The following ABCD2 variants were observed in gnomAD, a reference collection of about 807,000 sequenced individuals.
ABCD2 encodes the protein ATP binding cassette subfamily D member 2, also known as ATP-binding cassette sub-family D member 2.
A neutral mutation model predicts 70.9 loss-of-function variants in ABCD2; 36 were observed. The observed-to-expected ratio is 0.51, with a 90% CI of 0.39 to 0.67. The LOEUF (loss-of-function observed/expected upper bound fraction) is 0.67. ABCD2 is among the 30% of genes least tolerant of loss of function. The probability of loss-of-function intolerance (pLI) is 0.00; values close to 1 mark genes in which losing one functional copy is unlikely to be tolerated. For missense variants in ABCD2, 729 were observed against 890.2 expected, an observed-to-expected ratio of 0.82 and a Z score of 2.30; for synonymous variants, 304 against 306.9, an observed-to-expected ratio of 0.99 and a Z score of 0.10.
At chr12:39,580,994 AG>A (rs1941588696) in intron 7 of ABCD2, among the ~76,000 whole-genome samples, 1 of 152,198 alleles carries the variant, frequency 6.6e-6, no homozygotes, top group African/African-American at 2.4e-5. Context: ...GAAATCCAAA[AG>A]TTTAGAGGCT....
chr12:39,584,890 T>C (rs1035459633), intron 7 of ABCD2, among the ~76,000 whole-genome samples: 2 of 152,222 alleles, frequency 1.3e-5, no homozygotes, highest in African/African-American at 4.8e-5. Flanking sequence ...CCTGTTTTTG[T>C]AACAGCACTA....
chr12:39,542,513 A>G, the ABCD2 span, among the ~76,000 whole-genome samples: 9 of 151,990 alleles, frequency 5.9e-5, no homozygotes, highest in African/African-American at 1.9e-4. Flanking sequence ...GGATGTAGAG[A>G]GATTAGTTAG....
chr12:39,589,507 C>T (rs1941714495), intron 6 of ABCD2, among the ~76,000 whole-genome samples: 1 of 151,290 alleles, frequency 6.6e-6, no homozygotes, highest in Non-Finnish European at 1.5e-5. Context: ...CTCTTGTCAG[C>T]CTCCCAAGTA....
chr12:39,586,456 G>A (rs1351517150), intron 6 of ABCD2, among the ~76,000 whole-genome samples, 159 bp from the exon 7 acceptor site: 1 of 152,166 alleles, frequency 6.6e-6, no homozygotes, highest in Non-Finnish European at 1.5e-5. Flanking sequence ...CTCAGGCACT[G>A]CTAAACAATA....
downstream of ABCD2, among the ~76,000 whole-genome samples, chr12:39,546,634 G>A (rs981363630): frequency 6.6e-6 from 1 of 152,088 alleles, no homozygotes; most frequent in Admixed American, 6.6e-5. Context: ...ATAGTGATTG[G>A]TTGAATGAAT....
intron 2 of ABCD2, 30 bp from the exon 3 acceptor site, chr12:39,607,744 A>ATTTT: frequency 4.3e-5 from 34 of 789,022 alleles, no homozygotes; most frequent in Non-Finnish European, 5.5e-5. Flanking sequence ...ACAAAACTTG[A>ATTTT]GTTTTTTTTT....
intron 9 of ABCD2, among the ~76,000 whole-genome samples, chr12:39,565,755 G>A (rs1279901085): frequency 1.3e-5 from 2 of 152,268 alleles, no homozygotes; most frequent in Non-Finnish European, 2.9e-5. Flanking sequence ...GTATGATATT[G>A]GCTGTGGGTT....
intron 1 of ABCD2, 104 bp from the exon 2 acceptor site, chr12:39,617,272 C>A (rs1009770971): frequency 4.7e-6 from 3 of 635,036 alleles, no homozygotes; most frequent in Non-Finnish European, 7.1e-6. Flanking sequence ...CCAATAAATG[C>A]AGATTAATAC....
intron 6 of ABCD2, among the ~76,000 whole-genome samples, chr12:39,597,389 A>G (rs1339210098): frequency 6.6e-6 from 1 of 152,198 alleles, no homozygotes; most frequent in Admixed American, 6.5e-5. Flanking sequence ...ATGGATGAAG[A>G]CAGAAACTTA....
At chr12:39,535,091 A>T in the ABCD2 span, among the ~76,000 whole-genome samples, 1 of 151,876 alleles carries the variant, frequency 6.6e-6, no homozygotes, top group Non-Finnish European at 1.5e-5. Flanking sequence ...CTCTAAATGG[A>T]TTTTCTTTTC....
At position 39,551,584 on chromosome 12, in the gene ABCD2, T is replaced by A. The variant is rs1212023670; in HGVS notation, c.*2328A>T. On this transcript the variant is annotated 3_prime_UTR_variant, in exon 10 of 10. Coordinates refer to ENST00000308666, the MANE Select transcript of ABCD2 (RefSeq NM_005164.4). ...AGGATGTTGGTCCTGAAAAATAAAT[T>A]CAGAAAACAAATAGGCACAAAAAGC... The A allele has an allele frequency of 6.6e-6, 1 of 151,692 alleles. No homozygotes were observed. 9.4% of individuals were successfully genotyped at this position (151,692 alleles called of 1,614,324 possible). A position where few individuals can be genotyped will look rare whatever the true frequency, so the allele number is the denominator to read the frequency against.
At chr12:39,540,790 C>T in the ABCD2 span, among the ~76,000 whole-genome samples, 1 of 152,206 alleles carries the variant, frequency 6.6e-6, no homozygotes, top group South Asian at 2.1e-4. Context: ...AACACCCTCC[C>T]TTCCCCCACC....
At chr12:39,548,604 C>T (rs1941049330), downstream of ABCD2, among the ~76,000 whole-genome samples, 2 of 151,768 alleles carry the variant, frequency 1.3e-5, no homozygotes, top group South Asian at 4.2e-4. Context: ...TTGCACCTTC[C>T]CAGGTGAGTC....
chr12:39,600,806 C>A (rs187516840), intron 5 of ABCD2, 90 bp from the exon 6 acceptor site: 4 of 1,211,382 alleles, frequency 3.3e-6, no homozygotes, highest in East Asian at 2.6e-5. Flanking sequence ...TTAAAATGTT[C>A]GAAAACATGA....
chr12:39,602,846 T>C (rs1260406575), intron 5 of ABCD2, among the ~76,000 whole-genome samples: 1 of 152,148 alleles, frequency 6.6e-6, no homozygotes, highest in Non-Finnish European at 1.5e-5. Context: ...TATTATAAAA[T>C]GTATCCAGAC....
At chr12:39,561,624 A>G (rs187398483) in intron 9 of ABCD2, among the ~76,000 whole-genome samples, 152 of 152,290 alleles carry the variant, frequency 1.0e-3, no homozygotes, top group African/African-American at 3.6e-3. Context: ...ATTATATAAT[A>G]ATAAACAGGT....
At chr12:39,588,549 CCA>C (rs1179854705) in intron 6 of ABCD2, among the ~76,000 whole-genome samples, 1 of 152,130 alleles carries the variant, frequency 6.6e-6, no homozygotes, top group Non-Finnish European at 1.5e-5. Flanking sequence ...ATAATTCTCC[CCA>C]AGAGCCTTCA....
chr12:39,604,080 G>T, intron 4 of ABCD2, 74 bp from the exon 5 acceptor site: 1 of 932,450 alleles, frequency 1.1e-6, no homozygotes, highest in Non-Finnish European at 1.7e-6. Context: ...TTATTATGCA[G>T]TATAACAGGT....
chr12:39,557,171 G>A (rs1311878216), intron 9 of ABCD2, among the ~76,000 whole-genome samples: 1 of 152,146 alleles, frequency 6.6e-6, no homozygotes, highest in Non-Finnish European at 1.5e-5. Context: ...CCAGGCTGAA[G>A]TAGTCTCAGA....
Sources: gnomAD v4.1 joint callset for allele counts (sites outside exome capture counted in the v4.1 genomes callset) on GRCh38, gnomAD v4.1.1 for gene constraint, MANE v1.5 for transcripts, NCBI Gene and HGNC (gene_info 2026-07-23, HGNC 2026-07-21) for gene names.